Variants in ADAMTS18 observed in about 807,000 individuals in gnomAD.
ADAMTS18 encodes ADAM metallopeptidase with thrombospondin type 1 motif 18.
ADAMTS18 carries 157 observed loss-of-function variants against 165.9 expected under a neutral mutation model. The ratio of observed to expected loss-of-function variants is 0.95; its 90% CI spans 0.83 to 1.08. The LOEUF (loss-of-function observed/expected upper bound fraction) is 1.08, where lower values mean the gene tolerates loss of function less well. Among genes scored for constraint, ADAMTS18 ranks in the 50% least tolerant of loss-of-function variants. The pLI, the probability that ADAMTS18 is intolerant of heterozygous loss-of-function variation, is 0.00. For synonymous variants in ADAMTS18, 782 were observed against 578.2 expected, an observed-to-expected ratio of 1.35 and a Z score of -5.06; for missense variants, 2,040 against 1,534.0, an observed-to-expected ratio of 1.33 and a Z score of -5.51.
chr16:77,357,021 G>T (rs1279031132), intron 8 of ADAMTS18, among the ~76,000 whole-genome samples: 8 of 148,568 alleles, frequency 5.4e-5, no homozygotes, highest in Non-Finnish European at 1.0e-4. Context: ...GGATGCAGAG[G>T]ACGGAAGGAT....
chr16:77,334,729 A>ACTATAATG (rs2056267517), intron 12 of ADAMTS18, among the ~76,000 whole-genome samples: 1 of 104,680 alleles, frequency 9.6e-6, no homozygotes, highest in Non-Finnish European at 1.9e-5. Context: ...ATACTACTAT[A>ACTATAATG]TACTATAGTA....
chr16:77,373,362 G>A (rs1370137968), intron 3 of ADAMTS18, among the ~76,000 whole-genome samples: 1 of 151,896 alleles, frequency 6.6e-6, no homozygotes, highest in South Asian at 2.1e-4. Flanking sequence ...GGGAGGCTGA[G>A]GCAGGACAAT....
intron 3 of ADAMTS18, among the ~76,000 whole-genome samples, chr16:77,427,021 A>G (rs893088618): frequency 6.6e-6 from 1 of 151,272 alleles, no homozygotes; most frequent in Admixed American, 6.6e-5. Context: ...CTCTAAAAAT[A>G]TAAGAACAAT....
At chr16:77,423,012 T>C (rs2144852037) in intron 3 of ADAMTS18, among the ~76,000 whole-genome samples, 1 of 152,296 alleles carries the variant, frequency 6.6e-6, no homozygotes, top group East Asian at 1.9e-4. Context: ...TAGGTGAAGC[T>C]TTTCTTTCCT....
At chr16:77,406,878 GA>G (rs1464587941) in intron 3 of ADAMTS18, among the ~76,000 whole-genome samples, 2 of 152,176 alleles carry the variant, frequency 1.3e-5, no homozygotes, top group Non-Finnish European at 2.9e-5. Flanking sequence ...TCACAAGGGG[GA>G]GCTAAACATT....
At chr16:77,380,040 GTCTTGCTGCCGAGGTCC>G (rs1454893563) in intron 3 of ADAMTS18, among the ~76,000 whole-genome samples, 1 of 152,194 alleles carries the variant, frequency 6.6e-6, no homozygotes, top group Non-Finnish European at 1.5e-5. Flanking sequence ...GGTTCCAAAA[GTCTTGCTGCCGAGGTCC>G]TCAGAAATGC....
At chr16:77,359,986 C>T (rs980196267) in intron 7 of ADAMTS18, among the ~76,000 whole-genome samples, 11 of 152,268 alleles carry the variant, frequency 7.2e-5, no homozygotes, top group African/African-American at 2.4e-4. Context: ...AAGTTACTTC[C>T]CTCTAAGAGC....
At chr16:77,346,407 G>T (rs778616606) in intron 10 of ADAMTS18, among the ~76,000 whole-genome samples, 1 of 151,962 alleles carries the variant, frequency 6.6e-6, no homozygotes, top group South Asian at 2.1e-4. Flanking sequence ...GACAGACTTT[G>T]TATTTTAAAA....
At chr16:77,357,218 G>A (rs903056215) in intron 8 of ADAMTS18, among the ~76,000 whole-genome samples, 16 of 151,934 alleles carry the variant, frequency 1.1e-4, no homozygotes, top group Admixed American at 1.0e-3. Flanking sequence ...AATATGTTAC[G>A]ATAAAAGATA....
intron 6 of ADAMTS18, among the ~76,000 whole-genome samples, chr16:77,362,896 T>A (rs1442510355): frequency 6.6e-6 from 1 of 152,200 alleles, no homozygotes; most frequent in Non-Finnish European, 1.5e-5. Flanking sequence ...TTGGGCAACC[T>A]ATTAGTAGGC....
intron 6 of ADAMTS18, among the ~76,000 whole-genome samples, chr16:77,362,898 T>C (rs1204630577): frequency 6.6e-6 from 1 of 152,162 alleles, no homozygotes; most frequent in Non-Finnish European, 1.5e-5. Flanking sequence ...GGGCAACCTA[T>C]TAGTAGGCTA....
rs2055391135 is a variant in ADAMTS18 at position 77,292,898 on chromosome 16, C to G, written c.3189+178G>C. ...GCAGTGGCGCAATCTCAGCTCACTG[C>G]AAACTCCGCCTCCTGGGTTCACGCC... is the stretch of plus-strand genomic sequence containing the variant. On this transcript the variant is annotated intron_variant, in intron 20 of 22. Coordinates refer to ENST00000282849, the MANE Select transcript of ADAMTS18 (RefSeq NM_199355.4). 4.1e-5 allele frequency: 26 copies of G among 638,082 alleles called. 1 individual carries two copies. The South Asian group carries it at 5.0e-4, about 12-fold the overall frequency. The allele number at this position is 638,082 out of a possible 1,614,324, so 39.5% of individuals were successfully genotyped here. A position where few individuals can be genotyped will look rare whatever the true frequency, so the allele number is the denominator to read the frequency against.
Position 77,355,942 on chromosome 16 carries a change from G to C in ADAMTS18, c.1458C>G (p.Leu486=), listed in dbSNP as rs1216708695. Residue 486 remains leucine, a splice_region_variant and synonymous_variant, in exon 9 of 23, where the codon CTC becomes CTG. Transcript: ENST00000282849. ...SCSRQYLKKF[L]STPQAGCLVD... The stretch of plus-strand genomic sequence containing the variant: ...CCCCAGGATTTAACCTGTCATACCT[G>C]AGGAATTTCTTGAGATACTGGCGGC... The C allele has an allele frequency of 6.2e-7, 1 of 1,614,016 alleles. No individual in the cohort carries two copies. The highest frequency in any genetic ancestry group is 1.1e-5 in the South Asian group (1 of 91,080).
At chr16:77,357,881 T>C (rs2056654529) in intron 8 of ADAMTS18, among the ~76,000 whole-genome samples, 1 of 152,232 alleles carries the variant, frequency 6.6e-6, no homozygotes, top group Non-Finnish European at 1.5e-5. Flanking sequence ...TCCTGAATCC[T>C]ACCTGAAGAA....
chr16:77,415,068 C>G (rs1365850441), intron 3 of ADAMTS18, among the ~76,000 whole-genome samples: 1 of 152,136 alleles, frequency 6.6e-6, no homozygotes, highest in Non-Finnish European at 1.5e-5. Context: ...AGTAATGTAT[C>G]CAAGATGCAC....
At chr16:77,392,152 G>A (rs987146846) in intron 3 of ADAMTS18, among the ~76,000 whole-genome samples, 8 of 152,092 alleles carry the variant, frequency 5.3e-5, no homozygotes, top group African/African-American at 7.2e-5. Flanking sequence ...AGACAGAATC[G>A]CGTGATACCA....
chr16:77,292,987 T>G, intron 20 of ADAMTS18, 89 bp downstream of exon 20: 1 of 1,557,534 alleles, frequency 6.4e-7, no homozygotes, highest in Non-Finnish European at 8.8e-7. Context: ...GCCTGGCTAA[T>G]TTTTTGTATT....
chr16:77,355,045 T>C (rs548700349), intron 9 of ADAMTS18, among the ~76,000 whole-genome samples: 1 of 152,294 alleles, frequency 6.6e-6, no homozygotes, highest in South Asian at 2.1e-4. Flanking sequence ...ATCTTACTAA[T>C]TCTTTAAACA....
chr16:77,318,846 G>T (rs2055934132), intron 16 of ADAMTS18, among the ~76,000 whole-genome samples: 1 of 151,954 alleles, frequency 6.6e-6, no homozygotes, highest in Non-Finnish European at 1.5e-5. Flanking sequence ...AACTTAACAT[G>T]ACTCCTAAGA....
Sources: allele counts gnomAD v4.1 joint callset (sites outside exome capture counted in the v4.1 genomes callset), GRCh38; gene constraint gnomAD v4.1.1; transcripts MANE v1.5; gene names NCBI Gene and HGNC (gene_info 2026-07-23, HGNC 2026-07-21).